Variants in RRM1 observed in about 807,000 individuals in gnomAD.
RRM1 encodes the protein ribonucleotide reductase catalytic subunit M1, also known as ribonucleoside-diphosphate reductase large subunit.
In RRM1, 19 loss-of-function variants were observed where a neutral mutation model predicts 101.5. The ratio of observed to expected loss-of-function variants is 0.19; its 90% CI spans 0.13 to 0.27. RRM1 has a LOEUF of 0.27. RRM1 is among the 10% of genes least tolerant of loss of function. The pLI is 1.00. For missense variants in RRM1, 500 were observed against 962.9 expected, an observed-to-expected ratio of 0.52 and a Z score of 6.36; for synonymous variants, 298 against 323.4, an observed-to-expected ratio of 0.92 and a Z score of 0.84.
chr11:4,097,870 A>C (rs1325606424), intron 1 of RRM1, among the ~76,000 whole-genome samples: 1 of 152,256 alleles, frequency 6.6e-6, no homozygotes, highest in Admixed American at 6.5e-5. Flanking sequence ...AGGCAGCTCT[A>C]TCTTCAAAGA....
chr11:4,138,299 A>G lies in RRM1; in HGVS notation c.2295A>G (p.Lys765=), dbSNP rs763906229. 3.1e-6 allele frequency: 5 copies of G among 1,612,526 alleles called. No homozygotes were observed. The Admixed American group carries it at 8.3e-5, about 27-fold the overall frequency. ...EKLKDKEKVS[K]EEEEKERNTA... ...TAAAAGATAAAGAAAAGGTATCAAAAGAGGAAGAAGAGAAGGAGAGGAACA... is the reference window on the plus strand; with the variant it reads ...TAAAAGATAAAGAAAAGGTATCAAAGGAGGAAGAAGAGAAGGAGAGGAACA... Residue 765 remains lysine, a synonymous_variant, in exon 19 of 19, where the codon AAA becomes AAG. Coordinates refer to ENST00000300738, the MANE Select transcript of RRM1 (RefSeq NM_001033.5).
intron 2 of RRM1, among the ~76,000 whole-genome samples, chr11:4,102,284 A>C (rs570816541): frequency 1.4e-3 from 209 of 152,158 alleles, no homozygotes; most frequent in Non-Finnish European, 2.5e-3. Flanking sequence ...TCAGAGAACT[A>C]TGAATGTGAG....
At position 4,123,213 on chromosome 11, in the gene RRM1, T is replaced by G; in HGVS notation, c.1149T>G (p.Val383=). ...SYEKQGRVRK[V]VKAQQLWYAI... Reference sequence around the variant, plus strand: ...AGAAACAAGGTCGTGTCCGCAAAGTTGTAAAAGCTCAGCAGCTTTGGTATG... The same window carrying G: ...AGAAACAAGGTCGTGTCCGCAAAGTGGTAAAAGCTCAGCAGCTTTGGTATG... Residue 383 remains valine, a synonymous_variant, in exon 12 of 19, where the codon GTT becomes GTG. Coordinates refer to ENST00000300738, the MANE Select transcript of RRM1 (RefSeq NM_001033.5). 6.2e-7 allele frequency: 1 copy of G among 1,614,140 alleles called. No homozygotes were observed. Among genetic ancestry groups the G allele is most frequent in the South Asian group, 1.1e-5 (1 of 91,088 alleles).
upstream of RRM1, chr11:4,094,755 C>G (rs1400175068): frequency 3.5e-6 from 2 of 574,996 alleles, no homozygotes; most frequent in South Asian, 4.2e-5. Context: ...CTACCCCGGG[C>G]GTGGGCCGCA....
intron 4 of RRM1, among the ~76,000 whole-genome samples, chr11:4,109,169 A>G (rs1383793798): frequency 2.0e-5 from 3 of 151,842 alleles, no homozygotes; most frequent in Non-Finnish European, 4.4e-5. Flanking sequence ...ATTGTTTATT[A>G]TATATACTGT....
intron 5 of RRM1, 90 bp downstream of exon 5, chr11:4,109,793 C>T (rs77571789): frequency 9.0e-7 from 1 of 1,106,292 alleles, no homozygotes; most frequent in African/African-American, 1.6e-5. Flanking sequence ...TTATCAAGGC[C>T]ATAAGTTGTT....
intron 5 of RRM1, among the ~76,000 whole-genome samples, chr11:4,110,677 G>C (rs183659097): frequency 6.6e-6 from 1 of 150,704 alleles, no homozygotes; most frequent in Non-Finnish European, 1.5e-5. Flanking sequence ...GCTGAGGCAG[G>C]AGAACTGCTT....
rs1300239538 is a variant in RRM1, at chr11:4,106,028, T to C, written c.109-18T>C. 4 of 1,601,582 alleles carry C rather than the reference T, an allele frequency of 2.5e-6. No homozygotes were observed. The Admixed American group carries it at 7.1e-5, about 28-fold the overall frequency. On this transcript the variant is annotated intron_variant, in intron 2 of 18. Transcript: ENST00000300738. ...TTTCTTGGGAAAGCTCAAGTAATTC[T>C]TGGTTTTATTTTTGTAGGCTCAGAT...
chr11:4,119,738 G>T, intron 8 of RRM1, 107 bp from the exon 9 acceptor site: 1 of 729,188 alleles, frequency 1.4e-6, no homozygotes, highest in Non-Finnish European at 2.4e-6. Context: ...AAACTTCATA[G>T]ATTGCTACCT....
chr11:4,121,491 T>C, intron 9 of RRM1, 113 bp from the exon 10 acceptor site: 1 of 598,998 alleles, frequency 1.7e-6, no homozygotes, highest in South Asian at 4.2e-5. Context: ...ATTTATGTTA[T>C]TTAATTCATT....
Position 4,095,150 on chromosome 11 carries a change from G to T in RRM1, c.19+119G>T. On this transcript the variant is annotated intron_variant, in intron 1 of 18. Coordinates refer to ENST00000300738, the MANE Select transcript of RRM1 (RefSeq NM_001033.5). ...GCTTCCCGCCTTTCCCGCATTTCCC[G>T]CCGCGGCCTTCCGCCCTGTCAGCCC... 3.5e-6 allele frequency: 4 copies of T among 1,141,942 alleles called. No homozygotes were observed. The South Asian group carries it at 5.5e-5, about 16-fold the overall frequency. 70.7% of individuals were successfully genotyped at this position (1,141,942 alleles called of 1,614,324 possible). A position where few individuals can be genotyped will look rare whatever the true frequency, so the allele number is the denominator to read the frequency against.
intron 7 of RRM1, among the ~76,000 whole-genome samples, chr11:4,114,280 G>A (rs559013848): frequency 5.7e-4 from 87 of 152,188 alleles, no homozygotes; most frequent in Non-Finnish European, 1.2e-3. Context: ...CTGGCTGGGC[G>A]TGGTGGGTCA....
At chr11:4,097,459 C>G (rs1395820693) in intron 1 of RRM1, among the ~76,000 whole-genome samples, 2 of 142,878 alleles carry the variant, frequency 1.4e-5, no homozygotes, top group South Asian at 2.2e-4. Context: ...TTGTTTGTTT[C>G]TTTTTTTTTT....
chr11:4,113,353 G>A (rs2094568188), intron 7 of RRM1, among the ~76,000 whole-genome samples: 1 of 152,150 alleles, frequency 6.6e-6, no homozygotes, highest in South Asian at 2.1e-4. Context: ...GTGGAGGCCT[G>A]AGCCAGCATT....
intron 2 of RRM1, 145 bp from the exon 3 acceptor site, chr11:4,105,901 G>C (rs1173960162): frequency 1.5e-6 from 1 of 651,326 alleles, no homozygotes; most frequent in Admixed American, 2.9e-5. Flanking sequence ...CTAAGCTTAA[G>C]TGATCTCCTC....
At chr11:4,116,383 G>T (rs1441001259) in intron 7 of RRM1, 1 of 152,294 alleles carries the variant, frequency 6.6e-6, no homozygotes, top group Non-Finnish European at 1.5e-5. Context: ...CCTGAGGTCA[G>T]GAGTTCGAGA....
intron 5 of RRM1, among the ~76,000 whole-genome samples, chr11:4,110,853 C>T (rs1318756309): frequency 6.6e-6 from 1 of 151,716 alleles, no homozygotes; most frequent in East Asian, 1.9e-4. Flanking sequence ...GCTGAGGAAT[C>T]CCTGATGTAT....
intron 11 of RRM1, among the ~76,000 whole-genome samples, chr11:4,122,659 G>A (rs2094583497): frequency 6.6e-6 from 1 of 152,112 alleles, no homozygotes; most frequent in Admixed American, 6.5e-5. Flanking sequence ...GATCATTTGA[G>A]GTCAGGAGTT....
chr11:4,120,808 C>CCACGAGTTCAAGCT (rs1416438278), intron 9 of RRM1, among the ~76,000 whole-genome samples: 13 of 152,122 alleles, frequency 8.5e-5, no homozygotes, highest in Non-Finnish European at 1.3e-4. Flanking sequence ...AAGTTCAAGA[C>CCACGAGTTCAAGCT]CACGAGTTCA....
Sources: gnomAD v4.1 joint callset for allele counts (sites outside exome capture counted in the v4.1 genomes callset) on GRCh38, gnomAD v4.1.1 for gene constraint, MANE v1.5 for transcripts, NCBI Gene and HGNC (gene_info 2026-07-23, HGNC 2026-07-21) for gene names.